Variants in ARHGAP6 observed in about 807,000 individuals in gnomAD.
The protein encoded by ARHGAP6 is Rho GTPase activating protein 6.
ARHGAP6 carries 16 observed loss-of-function variants against 55.7 expected under a neutral mutation model. The observed-to-expected ratio is 0.29, with a 90% CI of 0.19 to 0.44. The LOEUF (loss-of-function observed/expected upper bound fraction) is 0.44. ARHGAP6 is among the 20% of genes least tolerant of loss of function. ARHGAP6 has a pLI of 1.00. For missense variants in ARHGAP6, 698 were observed against 808.9 expected (o/e 0.86, Z 1.66); for synonymous variants, 382 against 360.9 (o/e 1.06, Z -0.66).
intron 2 of ARHGAP6, among the ~76,000 whole-genome samples, chrX:11,231,433 G>A (rs962209024): frequency 3.6e-5 from 4 of 112,038 alleles, no homozygotes; most frequent in African/African-American, 1.3e-4. Flanking sequence ...AAGAAATTTT[G>A]CCCACAGACC....
intron 2 of ARHGAP6, among the ~76,000 whole-genome samples, chrX:11,221,171 C>G (rs539578497): frequency 8.9e-6 from 1 of 112,226 alleles, no homozygotes; most frequent in African/African-American, 3.2e-5. Flanking sequence ...TCTCCTTCTC[C>G]TTCAGTTCTG....
intron 1 of ARHGAP6, among the ~76,000 whole-genome samples, chrX:11,588,173 T>C (rs1213008790): frequency 8.9e-6 from 1 of 112,045 alleles, no homozygotes; most frequent in Non-Finnish European, 1.9e-5. Flanking sequence ...CTTAAAGGAA[T>C]CTGAGAGGGC....
intron 1 of ARHGAP6, among the ~76,000 whole-genome samples, chrX:11,491,549 T>G (rs1419021059): frequency 8.9e-6 from 1 of 112,251 alleles, no homozygotes; most frequent in Non-Finnish European, 1.9e-5. Flanking sequence ...GAACTCAACA[T>G]TTTTTGTGGC....
chrX:11,420,281 T>C (rs1054590271), intron 1 of ARHGAP6, among the ~76,000 whole-genome samples: 1 of 112,073 alleles, frequency 8.9e-6, no homozygotes. Flanking sequence ...TCAGGGTATA[T>C]TTAAGAATAA....
At chrX:11,618,778 A>G (rs1352516944) in intron 1 of ARHGAP6, among the ~76,000 whole-genome samples, 2 of 112,796 alleles carry the variant, frequency 1.8e-5, no homozygotes, top group Non-Finnish European at 3.8e-5. Context: ...AGATTCTGAC[A>G]TAAAATTACT....
chrX:11,333,138 T>A (rs928828921), intron 1 of ARHGAP6, among the ~76,000 whole-genome samples: 25 of 112,029 alleles, frequency 2.2e-4, no homozygotes, highest in Non-Finnish European at 4.3e-4. Context: ...AAAATTATGT[T>A]CTTTATTCTT....
intron 1 of ARHGAP6, among the ~76,000 whole-genome samples, chrX:11,357,595 T>C (rs5935031): frequency 0.021 from 2,359 of 111,680 alleles, 32 homozygotes; most frequent in Middle Eastern, 0.06. Flanking sequence ...CAAACAGATG[T>C]AGTACTTTTT....
intron 1 of ARHGAP6, among the ~76,000 whole-genome samples, chrX:11,362,624 G>A (rs1001747203): frequency 1.8e-5 from 2 of 108,747 alleles, no homozygotes; most frequent in Admixed American, 2.0e-4. Context: ...CCTGCACATT[G>A]TGCATATGTA....
rs1229649154 is a variant in ARHGAP6, at chrX:11,603,295, TGAA to T, written c.588+60943_588+60945del. ...TGGGAAGTAGCAAATGCTACCCTGATGAAGAAGATCTATAGGTGTGAGCATTTC... is the reference window on the plus strand; with the variant it reads ...TGGGAAGTAGCAAATGCTACCCTGATGAAGATCTATAGGTGTGAGCATTTC... On this transcript the variant is annotated intron_variant, in intron 1 of 12. Transcript: ENST00000337414. Among the ~76,000 whole-genome samples the T allele has an allele frequency of 4.5e-5, 5 of 112,290 alleles. No individual in the cohort carries two copies. In the Admixed American group the frequency reaches 4.7e-4, roughly 11 times the overall value.
At chrX:11,577,910 C>G (rs149014124) in intron 1 of ARHGAP6, among the ~76,000 whole-genome samples, 4,545 of 111,131 alleles carry the variant, frequency 0.041, 246 homozygotes, top group African/African-American at 0.14. Context: ...TTTCTGGTCC[C>G]CAGCCTATGA....
chrX:11,336,961 G>A (rs765756235), intron 1 of ARHGAP6, among the ~76,000 whole-genome samples: 1 of 110,714 alleles, frequency 9.0e-6, no homozygotes, highest in African/African-American at 3.3e-5. Context: ...ACGTACACCG[G>A]GTCAGTTTAC....
At chrX:11,565,160 C>T (rs779699050) in intron 1 of ARHGAP6, among the ~76,000 whole-genome samples, 1 of 112,261 alleles carries the variant, frequency 8.9e-6, no homozygotes, top group Non-Finnish European at 1.9e-5. Flanking sequence ...TAGTCTTTTC[C>T]TATTTCACAT....
chrX:11,350,654 A>G (rs2048850961), intron 1 of ARHGAP6, among the ~76,000 whole-genome samples: 1 of 112,458 alleles, frequency 8.9e-6, no homozygotes, highest in Admixed American at 9.4e-5. Flanking sequence ...TGTCCCAAAC[A>G]GAATGAATTT....
chrX:11,450,870 C>A (rs2050137618), intron 1 of ARHGAP6, among the ~76,000 whole-genome samples: 1 of 111,510 alleles, frequency 9.0e-6, no homozygotes, highest in Non-Finnish European at 1.9e-5. Flanking sequence ...TGTCTCCAGG[C>A]ATTATCAAAT....
chrX:11,273,379 T>G (rs1325721323), intron 1 of ARHGAP6, among the ~76,000 whole-genome samples: 1 of 108,173 alleles, frequency 9.2e-6, no homozygotes, highest in Non-Finnish European at 1.9e-5. Context: ...CAAGGAAGGG[T>G]ATGCTGTAAA....
intron 1 of ARHGAP6, among the ~76,000 whole-genome samples, chrX:11,269,595 G>T (rs886986998): frequency 2.8e-5 from 2 of 71,825 alleles, no homozygotes; most frequent in Admixed American, 1.8e-4. Context: ...CATAGAGTTC[G>T]CATGTAAGGT....
At chrX:11,536,873 T>A (rs1217119566) in intron 1 of ARHGAP6, among the ~76,000 whole-genome samples, 2 of 112,178 alleles carry the variant, frequency 1.8e-5, no homozygotes, top group Non-Finnish European at 3.8e-5. Context: ...AAAATGAAAT[T>A]ACCAATTAGA....
chrX:11,619,694 A>G (rs1175334846), intron 1 of ARHGAP6, among the ~76,000 whole-genome samples: 1 of 112,242 alleles, frequency 8.9e-6, no homozygotes, highest in Non-Finnish European at 1.9e-5. Context: ...ACAGATGAGC[A>G]TATCAGCCTC....
chrX:11,324,431 G>A (rs770564127), intron 1 of ARHGAP6, among the ~76,000 whole-genome samples: 2 of 111,799 alleles, frequency 1.8e-5, no homozygotes, highest in East Asian at 5.6e-4. Context: ...AGTATTTTGA[G>A]AAAGTTAGCC....
Sources: allele counts gnomAD v4.1 joint callset (sites outside exome capture counted in the v4.1 genomes callset), GRCh38; gene constraint gnomAD v4.1.1; transcripts MANE v1.5; gene names NCBI Gene and HGNC (gene_info 2026-07-23, HGNC 2026-07-21).